The following ATXN1 variants were observed in gnomAD, a reference collection of about 807,000 sequenced individuals.
The protein encoded by ATXN1 is ataxin 1, also known as ataxin-1.
Under a neutral mutation model 56.4 loss-of-function variants are expected in ATXN1, and 8 were observed. The observed-to-expected ratio is 0.14, with a 90% CI of 0.08 to 0.26. The LOEUF is 0.26. Among genes scored for constraint, ATXN1 ranks in the 10% least tolerant of loss-of-function variants. The probability of loss-of-function intolerance (pLI) is 1.00; values close to 1 mark genes in which losing one functional copy is unlikely to be tolerated. For synonymous variants in ATXN1, 514 were observed against 494.6 expected (o/e 1.04, Z -0.52); for missense variants, 987 against 1,106.5 (o/e 0.89, Z 1.53).
At chr6:16,359,976 C>T (rs902741850) in intron 6 of ATXN1, among the ~76,000 whole-genome samples, 4 of 151,924 alleles carry the variant, frequency 2.6e-5, no homozygotes, top group African/African-American at 4.8e-5. Context: ...GTATAGTGCT[C>T]GGGTGATGGC....
At chr6:16,620,262 AACACACACAC>A (rs60586256) in intron 3 of ATXN1, among the ~76,000 whole-genome samples, 22 of 137,496 alleles carry the variant, frequency 1.6e-4, no homozygotes, top group South Asian at 1.4e-3. Flanking sequence ...CTGTCTCTCA[AACACACACAC>A]ACACACACAC....
intron 6 of ATXN1, among the ~76,000 whole-genome samples, chr6:16,341,514 ATTTTTTTTT>A (rs1180798356): frequency 8.1e-6 from 1 of 122,706 alleles, no homozygotes; most frequent in African/African-American, 3.1e-5. Context: ...GGTATAGAGG[ATTTTTTTTT>A]TTTTTTTTTT....
intron 6 of ATXN1, chr6:16,432,765 T>G (rs1759312650): frequency 6.6e-6 from 1 of 152,030 alleles, no homozygotes; most frequent in Admixed American, 6.6e-5. Flanking sequence ...GCTTATAAAC[T>G]ATGAAGGGCT....
At chr6:16,550,082 TA>T (rs1176436841) in intron 4 of ATXN1, among the ~76,000 whole-genome samples, 8 of 145,252 alleles carry the variant, frequency 5.5e-5, no homozygotes, top group Non-Finnish European at 1.2e-4. Context: ...AGAACACATG[TA>T]TACCTATGCA....
intron 4 of ATXN1, among the ~76,000 whole-genome samples, chr6:16,532,356 A>G (rs1761520967): frequency 6.6e-6 from 1 of 152,238 alleles, no homozygotes; most frequent in Non-Finnish European, 1.5e-5. Context: ...GGCAAATCTG[A>G]GAATTCCAGG....
intron 4 of ATXN1, among the ~76,000 whole-genome samples, chr6:16,530,239 A>C (rs139363370): frequency 6.6e-6 from 1 of 152,374 alleles, no homozygotes; most frequent in East Asian, 1.9e-4. Flanking sequence ...GGCAGAGAGT[A>C]TTTTGAGAAT....
intron 6 of ATXN1, among the ~76,000 whole-genome samples, chr6:16,460,031 A>G (rs2113624838): frequency 6.6e-6 from 1 of 152,272 alleles, no homozygotes; most frequent in Non-Finnish European, 1.5e-5. Flanking sequence ...GCCCTAACAC[A>G]TTAAAACAGT....
chr6:16,535,611 G>C (rs1204921528), intron 4 of ATXN1, among the ~76,000 whole-genome samples: 1 of 152,202 alleles, frequency 6.6e-6, no homozygotes, highest in Non-Finnish European at 1.5e-5. Flanking sequence ...CATCTCTTGA[G>C]CAAAGGAGTT....
At chr6:16,647,086 C>A (rs1163729873) in intron 3 of ATXN1, among the ~76,000 whole-genome samples, 1 of 152,094 alleles carries the variant, frequency 6.6e-6, no homozygotes, top group Non-Finnish European at 1.5e-5. Context: ...CTCACTGCAA[C>A]CTCCACCTCC....
At chr6:16,693,241 T>C (rs1018847951) in intron 2 of ATXN1, among the ~76,000 whole-genome samples, 1 of 152,218 alleles carries the variant, frequency 6.6e-6, no homozygotes, top group African/African-American at 2.4e-5. Context: ...AAAAGAGCAC[T>C]GAATTTGAAG....
intron 2 of ATXN1, among the ~76,000 whole-genome samples, chr6:16,672,690 G>A (rs1464768239): frequency 1.3e-5 from 2 of 152,244 alleles, no homozygotes; most frequent in South Asian, 4.2e-4. Context: ...TAGGGGAAGG[G>A]GCCAGGAGCC....
chr6:16,743,759 C>A (rs1314654515), intron 2 of ATXN1, among the ~76,000 whole-genome samples: 1 of 152,094 alleles, frequency 6.6e-6, no homozygotes, highest in Non-Finnish European at 1.5e-5. Flanking sequence ...GGAAAGGTAG[C>A]CAGACAGTGC....
At chr6:16,647,595 T>C (rs1209984124) in intron 3 of ATXN1, among the ~76,000 whole-genome samples, 6 of 152,256 alleles carry the variant, frequency 3.9e-5, no homozygotes, top group Non-Finnish European at 7.3e-5. Flanking sequence ...TTAATAATGA[T>C]ATTTGTACAC....
Position 16,306,400 on chromosome 6 carries a change from G to T in ATXN1, c.2377C>A (p.Leu793Ile), listed in dbSNP as rs200601352. Residue 793 changes from leucine (L) to isoleucine (I), a missense_variant, in exon 8 of 8, where the codon CTT (leucine) becomes ATT (isoleucine). Around this residue, in one of 3 missense-constraint regions of ATXN1, gnomAD observed 196 missense variants for 196.7 expected, o/e 1.00. Transcript: ENST00000436367. The surrounding 1 kb of genome is among the most constrained non-coding windows in gnomAD (Gnocchi z 5.2). ...EKSEDEPPLTLPKPSLIPQEV... is the reference protein window; with the variant it reads ...EKSEDEPPLTIPKPSLIPQEV... ...TGAGGAATTAGAGAAGGCTTAGGAA[G>T]AGTCAAAGGTGGTTCGTCTTCTGAC... is the stretch of plus-strand genomic sequence containing the variant. 17 of 1,614,024 alleles carry T rather than the reference G, an allele frequency of 1.1e-5. No individual in the cohort carries two copies. Among genetic ancestry groups the T allele is most frequent in the Non-Finnish European group, 1.3e-5 (15 of 1,180,044 alleles).
At chr6:16,749,356 A>G (rs959956596) in intron 2 of ATXN1, among the ~76,000 whole-genome samples, 1 of 152,258 alleles carries the variant, frequency 6.6e-6, no homozygotes, top group Non-Finnish European at 1.5e-5. Context: ...GCTTCACTGA[A>G]AATCTTAATA....
At chr6:16,633,210 T>C (rs1450169099) in intron 3 of ATXN1, among the ~76,000 whole-genome samples, 1 of 152,212 alleles carries the variant, frequency 6.6e-6, no homozygotes, top group Non-Finnish European at 1.5e-5. Flanking sequence ...CTTGTTTACT[T>C]CATAAGATTC....
intron 6 of ATXN1, among the ~76,000 whole-genome samples, chr6:16,431,353 G>A (rs935504235): frequency 2.6e-5 from 4 of 152,110 alleles, no homozygotes; most frequent in South Asian, 2.1e-4. Flanking sequence ...TGTTCCACCC[G>A]TTTTATTTTT....
At chr6:16,625,806 C>A (rs553124392) in intron 3 of ATXN1, among the ~76,000 whole-genome samples, 1 of 152,078 alleles carries the variant, frequency 6.6e-6, no homozygotes, top group African/African-American at 2.4e-5. Context: ...AGTGAGCATT[C>A]TGGCAATGAA....
At chr6:16,711,175 T>C (rs1759514537) in intron 2 of ATXN1, among the ~76,000 whole-genome samples, 2 of 152,088 alleles carry the variant, frequency 1.3e-5, no homozygotes, top group African/African-American at 4.8e-5. Context: ...GGCAATTTCA[T>C]AAGGAAAAAA....
Sources: gnomAD v4.1 joint callset for allele counts (sites outside exome capture counted in the v4.1 genomes callset) on GRCh38, gnomAD v4.1.1 for gene constraint, gnomAD v4.1.1 regional missense constraint, Gnocchi (gnomAD v3.1) non-coding constraint, MANE v1.5 for transcripts, NCBI Gene and HGNC (gene_info 2026-07-23, HGNC 2026-07-21) for gene names.